MAP2K7: variants seen among roughly 807,000 people sequenced by gnomAD.
The protein encoded by MAP2K7 is mitogen-activated protein kinase kinase 7.
MAP2K7 carries 12 observed loss-of-function variants against 47.7 expected under a neutral mutation model. The ratio of observed to expected loss-of-function variants is 0.25; its 90% CI spans 0.16 to 0.41. MAP2K7 has a LOEUF of 0.41. Among genes scored for constraint, MAP2K7 ranks in the 10% least tolerant of loss-of-function variants. The probability of loss-of-function intolerance (pLI) is 1.00; values close to 1 mark genes in which losing one functional copy is unlikely to be tolerated. For missense variants in MAP2K7, 415 were observed against 600.3 expected, an observed-to-expected ratio of 0.69 and a Z score of 3.23; for synonymous variants, 299 against 243.0, an observed-to-expected ratio of 1.23 and a Z score of -2.14.
In MAP2K7 at chr19:7,912,660, T is replaced by G; in HGVS notation, c.*229T>G. On this transcript the variant is annotated 3_prime_UTR_variant, in exon 11 of 11. Coordinates refer to ENST00000397979, the MANE Select transcript of MAP2K7 (RefSeq NM_145185.4). ...GCCGTGTGCGTCCCCCGACAGACAC[T>G]GTGAACGGAAGACAGCAGGCCGCGA... 1 of 578,050 alleles carries G rather than the reference T, an allele frequency of 1.7e-6. No individual in the cohort carries two copies. Among genetic ancestry groups the G allele is most frequent in the Non-Finnish European group, 3.0e-6 (1 of 330,128 alleles). The allele number at this position is 578,050 out of a possible 1,614,324, so 35.8% of individuals were successfully genotyped here. A position where few individuals can be genotyped will look rare whatever the true frequency, so the allele number is the denominator to read the frequency against.
rs1796105883 is a variant in MAP2K7 at position 7,911,687 on chromosome 19, C to G, written c.1079+109C>G. On this transcript the variant is annotated intron_variant, in intron 9 of 10. Coordinates refer to ENST00000397979, the MANE Select transcript of MAP2K7 (RefSeq NM_145185.4). ...GGCCGCACCCTGGGATGGGCGGATG[C>G]GACTGTGGGCGGGCTCCTGGCTGGC... 8.7e-6 allele frequency: 10 copies of G among 1,146,730 alleles called. No homozygotes were observed. In the South Asian group the frequency reaches 1.6e-4, roughly 18 times the overall value. 71.0% of individuals were successfully genotyped at this position (1,146,730 alleles called of 1,614,324 possible).
intron 1 of MAP2K7, chr19:7,906,194 C>A: frequency 2.9e-6 from 1 of 342,040 alleles, no homozygotes; most frequent in East Asian, 5.4e-5. Flanking sequence ...AAAGTTGGGC[C>A]TGGTGGGTGG....
rs1340775331 is a variant in MAP2K7 at position 7,909,907 on chromosome 19, G to A, written c.266+11G>A. On this transcript the variant is annotated intron_variant, in intron 2 of 10. Coordinates refer to ENST00000397979, the MANE Select transcript of MAP2K7 (RefSeq NM_145185.4). ...CCGCAGCATGGAGAGGTGAGCCAGG[G>A]GCCCAGCAGGGTTGGGTGGGAAGCA... The A allele has an allele frequency of 1.2e-5, 18 of 1,506,894 alleles. No homozygotes were observed. Among genetic ancestry groups the A allele is most frequent in the Non-Finnish European group, 1.5e-5 (17 of 1,123,922 alleles). The allele number at this position is 1,506,894 out of a possible 1,614,324, so 93.3% of individuals were successfully genotyped here.
At chr19:7,909,949 G>A (rs536177460) in intron 2 of MAP2K7, 53 bp downstream of exon 2, 38 of 1,502,600 alleles carry the variant, frequency 2.5e-5, no homozygotes, top group East Asian at 2.0e-4. Context: ...AGGGGCCACC[G>A]TGCCAGCCCT....
rs749025432 is a variant in MAP2K7 at position 7,911,456 on chromosome 19, G to A, written c.957G>A (p.Gln319=). Residue 319 remains glutamine, a synonymous_variant, in exon 9 of 11, where the codon CAG becomes CAA. Transcript: ENST00000397979. ...GISLVELATG[Q]FPYKNCKTDF... ...CCCAGGTGGAGCTGGCAACAGGACA[G>A]TTTCCCTACAAGAACTGCAAGACGG... 1 of 1,613,578 alleles carries A rather than the reference G, an allele frequency of 6.2e-7. No homozygotes were observed. The highest frequency in any genetic ancestry group is 8.5e-7 in the Non-Finnish European group (1 of 1,179,974).
chr19:7,914,111 G>A lies in MAP2K7; in HGVS notation c.*1680G>A, dbSNP rs1432940280. On this transcript the variant is annotated 3_prime_UTR_variant, in exon 11 of 11. Transcript: ENST00000397979. Reference sequence around the variant, plus strand: ...CTCTGCGATTGCCGGAAGGTTGCATGGCTGGTCCCAGGGCCAGCACAGGCC... The same window carrying A: ...CTCTGCGATTGCCGGAAGGTTGCATAGCTGGTCCCAGGGCCAGCACAGGCC... 1.3e-5 allele frequency: 2 copies of A among 152,182 alleles called. No homozygotes were observed. Among genetic ancestry groups the A allele is most frequent in the African/African-American group, 4.8e-5 (2 of 41,456 alleles). The allele number at this position is 152,182 out of a possible 1,614,324, so 9.4% of individuals were successfully genotyped here.
chr19:7,907,889 G>A (rs933643057), intron 1 of MAP2K7, among the ~76,000 whole-genome samples: 8 of 152,166 alleles, frequency 5.3e-5, no homozygotes, highest in East Asian at 1.9e-4. Flanking sequence ...ACAGGCCCTC[G>A]GGAGCCAGAA....
At chr19:7,909,996 T>C (rs1982716077) in intron 2 of MAP2K7, 67 bp from the exon 3 acceptor site, 5 of 1,522,008 alleles carry the variant, frequency 3.3e-6, no homozygotes, top group Non-Finnish European at 4.4e-6. Context: ...AACCCCGGTA[T>C]GGGGGACTGG....
chr19:7,908,729 C>T (rs1001741480), intron 1 of MAP2K7, among the ~76,000 whole-genome samples: 2 of 152,034 alleles, frequency 1.3e-5, no homozygotes, highest in African/African-American at 2.4e-5. Flanking sequence ...CTGGAGGCCA[C>T]GTTAGCATCC....
Position 7,912,703 on chromosome 19 carries a change from T to C in MAP2K7, c.*272T>C. 1.9e-6 allele frequency: 1 copy of C among 515,834 alleles called. No individual in the cohort carries two copies. The highest frequency in any genetic ancestry group is 3.5e-6 in the Non-Finnish European group (1 of 288,134). 32.0% of individuals were successfully genotyped at this position (515,834 alleles called of 1,614,324 possible). A position where few individuals can be genotyped will look rare whatever the true frequency, so the allele number is the denominator to read the frequency against. ...GGCCGCGATCAGAGTCGCTGTTCAT[T>C]CAGCCGCAGCCTCTGGGCCGGGGCG... On this transcript the variant is annotated 3_prime_UTR_variant, in exon 11 of 11. Coordinates refer to ENST00000397979, the MANE Select transcript of MAP2K7 (RefSeq NM_145185.4).
intron 1 of MAP2K7, among the ~76,000 whole-genome samples, chr19:7,905,298 T>TC (rs1257882558): frequency 6.6e-6 from 1 of 152,122 alleles, no homozygotes; most frequent in Non-Finnish European, 1.5e-5. Flanking sequence ...CATTCCCTGG[T>TC]CACCCAGCCT....
Position 7,911,472 on chromosome 19 carries a change from T to C in MAP2K7, c.973T>C (p.Cys325Arg). 1 of 1,613,418 alleles carries C rather than the reference T, an allele frequency of 6.2e-7. No individual in the cohort carries two copies. The highest frequency in any genetic ancestry group is 8.5e-7 in the Non-Finnish European group (1 of 1,179,932). Residue 325 changes from cysteine to arginine, a missense_variant, in exon 9 of 11, where the codon TGC (cysteine) becomes CGC (arginine). This residue lies in a region of MAP2K7 where 206 missense variants were observed against 368.8 expected (regional missense o/e 0.56). Transcript: ENST00000397979. ...AACAGGACAGTTTCCCTACAAGAAC[T>C]GCAAGACGGACTTTGAGGTCCTCAC... ...LATGQFPYKN[C>R]KTDFEVLTKV... is the part of the protein sequence containing the mutation.
chr19:7,910,178 G>T (rs1377855270), intron 3 of MAP2K7, 49 bp downstream of exon 3: 1 of 1,595,840 alleles, frequency 6.3e-7, no homozygotes, highest in East Asian at 2.3e-5. Context: ...AGCCAGGCTG[G>T]ACCCATCCTG....
Position 7,910,809 on chromosome 19 carries a change from T to C in MAP2K7, c.675+6T>C, listed in dbSNP as rs1369689019. 4 of 1,584,952 alleles carry C rather than the reference T, an allele frequency of 2.5e-6. No individual in the cohort carries two copies. The highest frequency in any genetic ancestry group is 3.4e-6 in the Non-Finnish European group (4 of 1,160,758). On this transcript the variant is annotated splice_donor_region_variant and intron_variant, in intron 6 of 10. Transcript: ENST00000397979. ...TGGGCAAGATGACAGTGGCGGTGAG[T>C]GACCAGGCGGGGCTTGCACTGGGCA...
intron 1 of MAP2K7, chr19:7,905,996 A>T (rs1254377142): frequency 2.7e-6 from 2 of 729,596 alleles, no homozygotes; most frequent in East Asian, 2.6e-5. Context: ...TTTCTCTCTC[A>T]CTCCACTCAA....
chr19:7,911,687 C>T (rs1796105883), intron 9 of MAP2K7, 109 bp downstream of exon 9: 14 of 1,146,844 alleles, frequency 1.2e-5, no homozygotes, highest in South Asian at 6.3e-5. Context: ...TGGGCGGATG[C>T]GACTGTGGGC....
rs890812775 is a variant in MAP2K7 at position 7,912,681 on chromosome 19, C to G, written c.*250C>G. 2 of 560,552 alleles carry G rather than the reference C, an allele frequency of 3.6e-6. No individual in the cohort carries two copies. Among genetic ancestry groups the G allele is most frequent in the Non-Finnish European group, 6.3e-6 (2 of 315,934 alleles). The allele number at this position is 560,552 out of a possible 1,614,324, so 34.7% of individuals were successfully genotyped here. A position where few individuals can be genotyped will look rare whatever the true frequency, so the allele number is the denominator to read the frequency against. ...ACACTGTGAACGGAAGACAGCAGGC[C>G]GCGATCAGAGTCGCTGTTCATTCAG... On this transcript the variant is annotated 3_prime_UTR_variant, in exon 11 of 11. Coordinates refer to ENST00000397979, the MANE Select transcript of MAP2K7 (RefSeq NM_145185.4).
chr19:7,905,147 C>G (rs972440817), intron 1 of MAP2K7, among the ~76,000 whole-genome samples: 1 of 152,160 alleles, frequency 6.6e-6, no homozygotes, highest in Non-Finnish European at 1.5e-5. Flanking sequence ...CACCCCTGAC[C>G]CATGATCCTT....
chr19:7,904,393 G>A (rs539997095), intron 1 of MAP2K7: 7 of 297,830 alleles, frequency 2.4e-5, no homozygotes, highest in South Asian at 1.7e-4. Context: ...CATCCAGGTC[G>A]CCCCGAAAAC....
Sources: allele counts gnomAD v4.1 joint callset (sites outside exome capture counted in the v4.1 genomes callset), GRCh38; gene constraint gnomAD v4.1.1; regional missense constraint gnomAD v4.1.1; transcripts MANE v1.5; gene names NCBI Gene and HGNC (gene_info 2026-07-23, HGNC 2026-07-21).